ROBO1: variants seen among roughly 807,000 people sequenced by gnomAD.
ROBO1 encodes roundabout homolog 1.
A neutral mutation model predicts 195.9 loss-of-function variants in ROBO1; 149 were observed. The ratio of observed to expected loss-of-function variants is 0.76; its 90% CI spans 0.67 to 0.87. The LOEUF is 0.87. Ranked by LOEUF, ROBO1 falls within the 40% of genes least tolerant of loss-of-function variation. ROBO1 has a pLI of 0.00. For missense variants in ROBO1, 1,933 were observed against 2,068.3 expected (o/e 0.93, Z 1.27); for synonymous variants, 816 against 733.2 (o/e 1.11, Z -1.82).
intron 3 of ROBO1, among the ~76,000 whole-genome samples, chr3:78,974,762 A>G (rs1230741315): frequency 6.6e-6 from 1 of 152,136 alleles, no homozygotes; most frequent in Non-Finnish European, 1.5e-5. Flanking sequence ...TTTCATACCT[A>G]ATATAAACTA....
At chr3:79,251,189 A>C (rs1018186423) in intron 2 of ROBO1, among the ~76,000 whole-genome samples, 6 of 152,202 alleles carry the variant, frequency 3.9e-5, no homozygotes, top group Non-Finnish European at 8.8e-5. Context: ...AGAGCAAATA[A>C]AATTTATTTA....
chr3:79,489,817 C>G (rs1482232207), intron 2 of ROBO1, among the ~76,000 whole-genome samples: 1 of 152,102 alleles, frequency 6.6e-6, no homozygotes, highest in Non-Finnish European at 1.5e-5. Context: ...ATATTTTCCT[C>G]ACCCACCATT....
intron 2 of ROBO1, among the ~76,000 whole-genome samples, chr3:79,459,055 C>T (rs1559914214): frequency 6.6e-6 from 1 of 152,072 alleles, no homozygotes; most frequent in African/African-American, 2.4e-5. Flanking sequence ...TAAGTGGTGA[C>T]ATTGAATTAT....
chr3:79,742,240 CAG>C (rs1444984507), intron 1 of ROBO1, among the ~76,000 whole-genome samples: 1 of 152,164 alleles, frequency 6.6e-6, no homozygotes, highest in Non-Finnish European at 1.5e-5. Context: ...CAAGACATTT[CAG>C]AGTTTTTTCA....
At chr3:79,052,033 T>C (rs1331549509) in intron 3 of ROBO1, among the ~76,000 whole-genome samples, 1 of 152,074 alleles carries the variant, frequency 6.6e-6, no homozygotes, top group Admixed American at 6.6e-5. Context: ...AAGAACAGGA[T>C]AACAGCGATT....
intron 2 of ROBO1, among the ~76,000 whole-genome samples, chr3:79,346,202 G>T (rs1445108431): frequency 6.6e-6 from 1 of 152,038 alleles, no homozygotes; most frequent in Admixed American, 6.6e-5. Flanking sequence ...CAATTTTTGA[G>T]TTAAAATTAA....
intron 3 of ROBO1, among the ~76,000 whole-genome samples, chr3:78,939,991 A>C (rs2040046090): frequency 6.6e-6 from 1 of 152,130 alleles, no homozygotes; most frequent in Non-Finnish European, 1.5e-5. Context: ...TAACTCAAAA[A>C]CAGGAATGAT....
chr3:78,918,687 A>C (rs566816868), intron 4 of ROBO1, among the ~76,000 whole-genome samples: 1 of 152,252 alleles, frequency 6.6e-6, no homozygotes, highest in African/African-American at 2.4e-5. Flanking sequence ...TTCCAAGTTT[A>C]GACTGTCAAC....
rs111300262 is a variant in ROBO1, at chr3:78,654,100, T to A, written c.2615-2171A>T. ...ATAACTCATTACATATGAATAACAT[T>A]TTTTATGGATTCTTCTTTCAATGGA... On this transcript the variant is annotated intron_variant, in intron 18 of 30. Transcript: ENST00000464233. Among the ~76,000 whole-genome samples, 1,180 of 152,352 alleles carry A rather than the reference T, an allele frequency of 7.7e-3. 10 individuals are homozygous for A. The highest frequency in any genetic ancestry group is 0.027 in the African/African-American group (1,123 of 41,582).
chr3:79,575,754 T>G (rs1301707517), intron 2 of ROBO1, among the ~76,000 whole-genome samples: 1 of 151,472 alleles, frequency 6.6e-6, no homozygotes, highest in East Asian at 1.9e-4. Flanking sequence ...GTGACATATT[T>G]AAGTGTTTTA....
intron 4 of ROBO1, among the ~76,000 whole-genome samples, chr3:78,873,784 C>T (rs371179371): frequency 6.6e-6 from 1 of 152,018 alleles, no homozygotes; most frequent in Admixed American, 6.6e-5. Flanking sequence ...TTTCTTTTCA[C>T]GTGACTTTTA....
chr3:78,968,642 G>GA (rs1268281584), intron 3 of ROBO1, among the ~76,000 whole-genome samples: 1 of 151,158 alleles, frequency 6.6e-6, no homozygotes, highest in Non-Finnish European at 1.5e-5. Flanking sequence ...AGAAATTAAA[G>GA]AATCAAATTT....
At chr3:79,180,884 T>C (rs1009828387) in intron 2 of ROBO1, among the ~76,000 whole-genome samples, 1 of 152,084 alleles carries the variant, frequency 6.6e-6, no homozygotes, top group Non-Finnish European at 1.5e-5. Context: ...ATCAGTGATT[T>C]CCATTCAGAA....
At chr3:78,913,018 G>T (rs973995358) in intron 4 of ROBO1, among the ~76,000 whole-genome samples, 44 of 152,110 alleles carry the variant, frequency 2.9e-4, no homozygotes, top group African/African-American at 9.4e-4. Context: ...CAGATTTTTT[G>T]ATATGATTTT....
chr3:79,333,435 C>T (rs768951898), intron 2 of ROBO1, among the ~76,000 whole-genome samples: 60 of 151,972 alleles, frequency 3.9e-4, no homozygotes, highest in African/African-American at 1.1e-3. Context: ...CCATGTAAAT[C>T]GCACATATCC....
intron 3 of ROBO1, among the ~76,000 whole-genome samples, chr3:79,052,256 G>A (rs2078715228): frequency 6.6e-6 from 1 of 152,066 alleles, no homozygotes; most frequent in African/African-American, 2.4e-5. Context: ...TTGAAAATAA[G>A]GGATGAAATA....
At chr3:78,979,328 A>G (rs1215255200) in intron 3 of ROBO1, among the ~76,000 whole-genome samples, 9 of 152,208 alleles carry the variant, frequency 5.9e-5, no homozygotes. Context: ...TTTATCTCAC[A>G]CTGTCTTTGG....
intron 3 of ROBO1, among the ~76,000 whole-genome samples, chr3:78,948,242 G>A (rs1576451719): frequency 6.6e-6 from 1 of 152,262 alleles, no homozygotes; most frequent in East Asian, 1.9e-4. Context: ...TATCTTTGAT[G>A]AACATTGATG....
chr3:78,984,240 T>C (rs940774112), intron 3 of ROBO1, among the ~76,000 whole-genome samples: 2 of 152,116 alleles, frequency 1.3e-5, no homozygotes, highest in Non-Finnish European at 2.9e-5. Context: ...ATATATCCAC[T>C]TTAAAGAAAG....
Sources: gnomAD v4.1 joint callset for allele counts (sites outside exome capture counted in the v4.1 genomes callset) on GRCh38, gnomAD v4.1.1 for gene constraint, MANE v1.5 for transcripts, NCBI Gene and HGNC (gene_info 2026-07-23, HGNC 2026-07-21) for gene names.